Variants in CALN1 observed in about 807,000 individuals in gnomAD.
CALN1 encodes the protein calcium-binding protein 8.
CALN1 carries 17 observed loss-of-function variants against 30.6 expected under a neutral mutation model. The observed-to-expected ratio is 0.56, with a 90% confidence interval of 0.38 to 0.83. The LOEUF (loss-of-function observed/expected upper bound fraction) is 0.83, where lower values mean the gene tolerates loss of function less well. Ranked by LOEUF, CALN1 falls within the 40% of genes least tolerant of loss-of-function variation. The probability of loss-of-function intolerance (pLI) is 0.00; values close to 1 mark genes in which losing one functional copy is unlikely to be tolerated. For missense variants in CALN1, 291 were observed against 354.9 expected (o/e 0.82, Z 1.45); for synonymous variants, 156 against 131.4 (o/e 1.19, Z -1.28).
intron 5 of CALN1, among the ~76,000 whole-genome samples, chr7:72,003,764 T>C (rs955518035): frequency 5.9e-5 from 9 of 152,300 alleles, no homozygotes; most frequent in South Asian, 2.1e-4. Context: ...TATTTCATTA[T>C]ACATTACAAT....
upstream of CALN1, among the ~76,000 whole-genome samples, chr7:72,452,000 T>A (rs1366578975): frequency 6.6e-6 from 1 of 152,130 alleles, no homozygotes; most frequent in Non-Finnish European, 1.5e-5. Flanking sequence ...GATACCCCCA[T>A]CTCTATTTAC....
At chr7:72,145,011 A>G (rs1398690580) in intron 3 of CALN1, among the ~76,000 whole-genome samples, 5 of 152,242 alleles carry the variant, frequency 3.3e-5, no homozygotes, top group Non-Finnish European at 2.9e-5. Context: ...TGCCCACAAG[A>G]GAAAGCAGGG....
chr7:72,410,495 G>A (rs1316448274), intron 1 of CALN1, among the ~76,000 whole-genome samples: 5 of 152,176 alleles, frequency 3.3e-5, no homozygotes, highest in East Asian at 1.9e-4. Context: ...TAGATATCAC[G>A]GAAATAAAAT....
intron 4 of CALN1, among the ~76,000 whole-genome samples, chr7:72,049,311 G>C (rs1443284882): frequency 6.6e-6 from 1 of 152,114 alleles, no homozygotes; most frequent in Non-Finnish European, 1.5e-5. Context: ...AACTTTACAA[G>C]AGAGAAAGAC....
At chr7:72,087,772 G>A (rs1805577253) in intron 4 of CALN1, among the ~76,000 whole-genome samples, 1 of 152,150 alleles carries the variant, frequency 6.6e-6, no homozygotes. Context: ...CTAAGCTGTG[G>A]ATAAGGCTAG....
At chr7:72,070,407 C>T (rs10266290) in intron 4 of CALN1, among the ~76,000 whole-genome samples, 5,052 of 152,220 alleles carry the variant, frequency 0.033, 295 homozygotes, top group African/African-American at 0.11. Context: ...TGAGGCTCTG[C>T]CTGGCCCAGC....
intron 4 of CALN1, among the ~76,000 whole-genome samples, chr7:72,094,157 C>T (rs1465745676): frequency 6.6e-6 from 1 of 152,214 alleles, no homozygotes; most frequent in African/African-American, 2.4e-5. Flanking sequence ...CAGAGAATTG[C>T]AATCAGCTTA....
In CALN1 at chr7:72,348,882, C is replaced by T. The variant is rs1364880044; in HGVS notation, c.119+54369G>A. ...AAAGCAAAATTCAGAAACTCAACAA[C>T]ATAACACCCACAGTGTCCATGGAAA... On this transcript the variant is annotated intron_variant, in intron 2 of 6. Transcript: ENST00000395275. Among the ~76,000 whole-genome samples the T allele has an allele frequency of 2.6e-5, 4 of 152,110 alleles. No homozygotes were observed. The East Asian group carries it at 7.7e-4, about 29-fold the overall frequency.
chr7:72,408,184 G>A (rs948365398), intron 1 of CALN1, among the ~76,000 whole-genome samples: 1 of 151,168 alleles, frequency 6.6e-6, no homozygotes, highest in Non-Finnish European at 1.5e-5. Flanking sequence ...TGTAATCCCA[G>A]CACTTTGGGA....
In CALN1 at chr7:72,153,166, G is replaced by A. The variant is rs1453942353; in HGVS notation, c.245-46872C>T. 2.6e-5 allele frequency among the ~76,000 whole-genome samples: 4 copies of A among 152,160 alleles called. No homozygotes were observed. In the East Asian group the frequency reaches 7.7e-4, roughly 29 times the overall value. On this transcript the variant is annotated intron_variant, in intron 3 of 6. Transcript: ENST00000395275. ...ATTCTGTTCCAAGAAGAGTATTTAA[G>A]GATCTTCCTCTAACACCCCTTGGCT...
intron 3 of CALN1, among the ~76,000 whole-genome samples, chr7:72,155,351 G>T (rs1787579890): frequency 6.6e-6 from 1 of 151,924 alleles, no homozygotes; most frequent in Admixed American, 6.6e-5. Flanking sequence ...AATTAGCCGG[G>T]CGTGGTGGCA....
At chr7:72,015,601 G>C (rs1800334276) in intron 5 of CALN1, among the ~76,000 whole-genome samples, 1 of 152,040 alleles carries the variant, frequency 6.6e-6, no homozygotes. Flanking sequence ...CACCACGCCA[G>C]GCTAATTTTT....
the CALN1 span, among the ~76,000 whole-genome samples, chr7:72,466,866 A>AG: frequency 6.7e-6 from 1 of 150,304 alleles, no homozygotes; most frequent in African/African-American, 2.4e-5. Context: ...AAGAGAAAGA[A>AG]AAAGAAAGAA....
chr7:72,404,288 G>A (rs1029303430), intron 1 of CALN1, among the ~76,000 whole-genome samples: 2 of 152,146 alleles, frequency 1.3e-5, no homozygotes, highest in Non-Finnish European at 2.9e-5. Context: ...GAAGAGCTCA[G>A]ATGCACACTG....
intron 3 of CALN1, among the ~76,000 whole-genome samples, chr7:72,176,153 C>G (rs115791126): frequency 2.0e-5 from 3 of 152,292 alleles, no homozygotes; most frequent in East Asian, 1.9e-4. Context: ...CTTGGCCAGA[C>G]GCTCCTCTCA....
rs1585652535 is a variant in CALN1, at chr7:72,395,449, G to A, written c.119+7802C>T. ...ATGAAGATAAACCATTTTCTTGGCT[G>A]TAGGGCATCACTAAGATTTTAATTT... On this transcript the variant is annotated intron_variant, in intron 2 of 6. Coordinates refer to ENST00000395275, the MANE Select transcript of CALN1 (RefSeq NM_031468.4). Among the ~76,000 whole-genome samples, 3 of 152,302 alleles carry A rather than the reference G, an allele frequency of 2.0e-5. No homozygotes were observed. The South Asian group carries it at 6.2e-4, about 32-fold the overall frequency.
chr7:71,885,959 C>T (rs1421006205), intron 5 of CALN1, among the ~76,000 whole-genome samples: 2 of 152,174 alleles, frequency 1.3e-5, no homozygotes, highest in Non-Finnish European at 2.9e-5. Context: ...ATCCTGGCTG[C>T]CAGTACAATG....
chr7:72,483,273 T>A, the CALN1 span, among the ~76,000 whole-genome samples: 6,541 of 142,426 alleles, frequency 0.046, 183 homozygotes, highest in African/African-American at 0.061. Flanking sequence ...TTTTCCTTTT[T>A]CTTTTTCTTT....
chr7:72,174,926 A>ATT (rs33979752), intron 3 of CALN1, among the ~76,000 whole-genome samples: 72,373 of 137,698 alleles, frequency 0.53, 20,386 homozygotes, highest in East Asian at 0.65. Flanking sequence ...AATATAATCA[A>ATT]TTTTTTTTTT....
Sources: gnomAD v4.1 joint callset for allele counts (sites outside exome capture counted in the v4.1 genomes callset) on GRCh38, gnomAD v4.1.1 for gene constraint, MANE v1.5 for transcripts, NCBI Gene and HGNC (gene_info 2026-07-23, HGNC 2026-07-21) for gene names.